SLC6A4: variants seen among roughly 807,000 people sequenced by gnomAD.
The protein encoded by SLC6A4 is sodium-dependent serotonin transporter.
Under a neutral mutation model 73.4 loss-of-function variants are expected in SLC6A4, and 22 were observed. The ratio of observed to expected loss-of-function variants is 0.30; its 90% CI spans 0.21 to 0.43. The LOEUF (loss-of-function observed/expected upper bound fraction) is 0.43. Among genes scored for constraint, SLC6A4 ranks in the 20% least tolerant of loss-of-function variants. SLC6A4 has a pLI of 1.00. For missense variants in SLC6A4, 593 were observed against 808.5 expected (o/e 0.73, Z 3.23); for synonymous variants, 270 against 315.5 (o/e 0.86, Z 1.53).
intron 14 of SLC6A4, among the ~76,000 whole-genome samples, chr17:30,199,184 A>G (rs776780302): frequency 3.9e-5 from 6 of 152,212 alleles, no homozygotes; most frequent in Non-Finnish European, 7.4e-5. Flanking sequence ...AAGGTCTACT[A>G]TAGAAACAGC....
chr17:30,203,324 A>G lies in SLC6A4; in HGVS notation c.1666T>C (p.Phe556Leu). 6.2e-7 allele frequency: 1 copy of G among 1,613,758 alleles called. No homozygotes were observed. The highest frequency in any genetic ancestry group is 2.2e-5 in the East Asian group (1 of 44,882). ...CGTAGTTGTGGCGGGCTCATCAGAA[A>G]ACTGCAAATGATGAACTAAAACAGA... is the stretch of plus-strand genomic sequence containing the variant. ...PLFLLFIICS[F>L]LMSPPQLRLF... The change falls in exon 14 of 15, where the codon TTT (phenylalanine) becomes CTT (leucine). Residue 556 changes from phenylalanine (F) to leucine (L), a missense_variant. By Grantham distance (22) the Phe-to-Leu change is conservative. Transcript: ENST00000650711.
chr17:30,234,202 T>C (rs922549463), intron 1 of SLC6A4, among the ~76,000 whole-genome samples: 1 of 152,064 alleles, frequency 6.6e-6, no homozygotes, highest in Admixed American at 6.5e-5. Context: ...TATATATATA[T>C]TTCTTAAACA....
intron 7 of SLC6A4, 82 bp from the exon 8 acceptor site, chr17:30,215,796 C>T: frequency 8.3e-7 from 1 of 1,200,968 alleles, no homozygotes. Context: ...CCACTCCTGC[C>T]TCCATGTGGC....
chr17:30,224,577 C>G (rs770053122), intron 1 of SLC6A4, among the ~76,000 whole-genome samples: 4 of 152,202 alleles, frequency 2.6e-5, no homozygotes, highest in Non-Finnish European at 5.9e-5. Flanking sequence ...TTTCCTCTCA[C>G]TTAAATAGAA....
chr17:30,202,655 A>G (rs1249428687), intron 14 of SLC6A4, among the ~76,000 whole-genome samples: 1 of 152,198 alleles, frequency 6.6e-6, no homozygotes, highest in Non-Finnish European at 1.5e-5. Context: ...TTTTACTCCA[A>G]TGGCTTGAGC....
chr17:30,230,565 G>A (rs1312119574), intron 1 of SLC6A4, among the ~76,000 whole-genome samples: 1 of 152,204 alleles, frequency 6.6e-6, no homozygotes, highest in Non-Finnish European at 1.5e-5. Context: ...CCCAGGGAGA[G>A]GGTGCTATGA....
intron 14 of SLC6A4, among the ~76,000 whole-genome samples, chr17:30,201,247 G>A (rs1175446173): frequency 6.6e-6 from 1 of 152,196 alleles, no homozygotes; most frequent in East Asian, 1.9e-4. Flanking sequence ...CCGAGGCCCA[G>A]ATAAGATGAG....
intron 13 of SLC6A4, among the ~76,000 whole-genome samples, chr17:30,204,086 C>T (rs1201831340): frequency 6.6e-6 from 1 of 152,254 alleles, no homozygotes; most frequent in Non-Finnish European, 1.5e-5. Context: ...CACTTGAACA[C>T]TCTGTGAGAA....
At chr17:30,200,653 A>G (rs1906004065) in intron 14 of SLC6A4, among the ~76,000 whole-genome samples, 1 of 152,202 alleles carries the variant, frequency 6.6e-6, no homozygotes, top group Non-Finnish European at 1.5e-5. Flanking sequence ...ATTCATAAAG[A>G]ATTGTGAAGA....
At chr17:30,205,297 C>T (rs1343154774) in intron 13 of SLC6A4, among the ~76,000 whole-genome samples, 1 of 152,150 alleles carries the variant, frequency 6.6e-6, no homozygotes, top group Non-Finnish European at 1.5e-5. Context: ...CTCCCCTAGA[C>T]ATCATTTCCT....
At chr17:30,229,284 G>A (rs958511772) in intron 1 of SLC6A4, among the ~76,000 whole-genome samples, 3 of 152,142 alleles carry the variant, frequency 2.0e-5, no homozygotes, top group Non-Finnish European at 4.4e-5. Context: ...GTGAGCTGGT[G>A]GTTTGGAACT....
At chr17:30,230,122 A>AGAGGAAGAG (rs1907062618) in intron 1 of SLC6A4, among the ~76,000 whole-genome samples, 2 of 123,582 alleles carry the variant, frequency 1.6e-5, no homozygotes, top group African/African-American at 6.2e-5. Context: ...AGGAAGAGGA[A>AGAGGAAGAG]GAGGAGGAGG....
rs747597376 is a variant in SLC6A4, at chr17:30,221,790, C to G, written c.169G>C (p.Asp57His). The G allele has an allele frequency of 1.2e-6, 2 of 1,614,216 alleles. No individual in the cohort carries two copies. The highest frequency in any genetic ancestry group is 1.7e-6 in the Non-Finnish European group (2 of 1,180,044). ...YSAVPSPGAG[D>H]DTRHSIPATT... Reference sequence around the variant, plus strand: ...GCTGGGATAGAGTGCCGTGTGTCATCTCCCGCACCAGGACTTGGAACTGCT... The same window carrying G: ...GCTGGGATAGAGTGCCGTGTGTCATGTCCCGCACCAGGACTTGGAACTGCT... The change falls in exon 3 of 15, where the codon GAT (aspartate) becomes CAT (histidine). Residue 57 changes from aspartate to histidine, a missense_variant. Coordinates refer to ENST00000650711, the MANE Select transcript of SLC6A4 (RefSeq NM_001045.6).
At chr17:30,230,541 G>C (rs902197450) in intron 1 of SLC6A4, among the ~76,000 whole-genome samples, 2 of 152,194 alleles carry the variant, frequency 1.3e-5, no homozygotes, top group Non-Finnish European at 2.9e-5. Flanking sequence ...AGAGAGAAGA[G>C]AGGAAAAAAC....
intron 8 of SLC6A4, among the ~76,000 whole-genome samples, chr17:30,214,981 CTTTT>C (rs1197018127): frequency 1.0e-5 from 1 of 95,700 alleles, no homozygotes. Context: ...TTCTTTCTTT[CTTTT>C]TCTTTCCTTC....
At chr17:30,202,012 A>C (rs1279380930) in intron 14 of SLC6A4, among the ~76,000 whole-genome samples, 4 of 152,104 alleles carry the variant, frequency 2.6e-5, no homozygotes, top group African/African-American at 9.7e-5. Flanking sequence ...GGATCACCTG[A>C]GCCCAGGAGT....
At chr17:30,218,416 G>C in intron 4 of SLC6A4, 79 bp from the exon 5 acceptor site, 5 of 1,104,486 alleles carry the variant, frequency 4.5e-6, no homozygotes, top group Non-Finnish European at 6.7e-6. Context: ...CGGGGCACTG[G>C]AGAGCCCCGC....
At chr17:30,219,069 G>T (rs1484027939) in intron 3 of SLC6A4, 138 bp from the exon 4 acceptor site, 1 of 938,702 alleles carries the variant, frequency 1.1e-6, no homozygotes, top group Middle Eastern at 3.3e-4. Flanking sequence ...CTCATGCTGT[G>T]CTCCTCTGGT....
At chr17:30,200,435 G>C (rs898507331) in intron 14 of SLC6A4, among the ~76,000 whole-genome samples, 2 of 152,240 alleles carry the variant, frequency 1.3e-5, no homozygotes, top group Non-Finnish European at 2.9e-5. Flanking sequence ...TGGATTATTA[G>C]TAGTTTCTGC....
Sources: allele counts gnomAD v4.1 joint callset (sites outside exome capture counted in the v4.1 genomes callset), GRCh38; gene constraint gnomAD v4.1.1; transcripts MANE v1.5; gene names NCBI Gene and HGNC (gene_info 2026-07-23, HGNC 2026-07-21).